ADAM12: variants seen among roughly 807,000 people sequenced by gnomAD.
The protein encoded by ADAM12 is ADAM metallopeptidase domain 12, also known as disintegrin and metalloproteinase domain-containing protein 12.
Under a neutral mutation model 106.4 loss-of-function variants are expected in ADAM12, and 70 were observed. The ratio of observed to expected loss-of-function variants is 0.66; its 90% CI spans 0.54 to 0.80. The LOEUF is 0.80. Ranked by LOEUF, ADAM12 falls within the 30% of genes least tolerant of loss-of-function variation. The probability of loss-of-function intolerance (pLI) is 0.00; values close to 1 mark genes in which losing one functional copy is unlikely to be tolerated. For missense variants in ADAM12, 1,010 were observed against 1,171.9 expected (o/e 0.86, Z 2.02); for synonymous variants, 420 against 433.5 (o/e 0.97, Z 0.39).
At chr10:126,336,662 T>C (rs773986582) in intron 1 of ADAM12, among the ~76,000 whole-genome samples, 2 of 152,160 alleles carry the variant, frequency 1.3e-5, no homozygotes, top group African/African-American at 2.4e-5. Context: ...GGGTCTGGGA[T>C]GGCAGAAAAG....
intron 1 of ADAM12, among the ~76,000 whole-genome samples, chr10:126,333,093 G>T (rs1011785871): frequency 2.0e-5 from 3 of 152,186 alleles, no homozygotes; most frequent in Non-Finnish European, 4.4e-5. Context: ...ACGGGCATTG[G>T]CGTAGTCTTT....
At chr10:126,301,853 C>A (rs1960639948) in intron 2 of ADAM12, among the ~76,000 whole-genome samples, 1 of 152,154 alleles carries the variant, frequency 6.6e-6, no homozygotes, top group South Asian at 2.1e-4. Context: ...CCCTAACTTC[C>A]AGGCGTAGTT....
At chr10:126,331,321 C>A (rs1184765944) in intron 1 of ADAM12, among the ~76,000 whole-genome samples, 1 of 152,074 alleles carries the variant, frequency 6.6e-6, no homozygotes. Flanking sequence ...AGGATGGGAC[C>A]AGATTCCCTC....
chr10:126,368,125 G>A (rs1447170889), intron 1 of ADAM12, among the ~76,000 whole-genome samples: 1 of 151,862 alleles, frequency 6.6e-6, no homozygotes, highest in African/African-American at 2.4e-5. Context: ...ATGTATGCAT[G>A]TGTGTATATA....
chr10:126,240,994 T>C (rs1030308199), intron 3 of ADAM12, among the ~76,000 whole-genome samples: 1 of 152,234 alleles, frequency 6.6e-6, no homozygotes, highest in African/African-American at 2.4e-5. Flanking sequence ...AACAGATGAA[T>C]GGGGCATGTC....
At chr10:126,321,712 C>G (rs768749512) in intron 2 of ADAM12, among the ~76,000 whole-genome samples, 3 of 152,174 alleles carry the variant, frequency 2.0e-5, no homozygotes, top group Non-Finnish European at 4.4e-5. Context: ...CTCACCACGT[C>G]TGCCCCCTGA....
At chr10:126,262,775 G>C (rs760931568) in intron 3 of ADAM12, among the ~76,000 whole-genome samples, 1 of 152,218 alleles carries the variant, frequency 6.6e-6, no homozygotes. Context: ...TTATATATAA[G>C]AGTATCATGA....
At chr10:126,271,294 C>T (rs1959174155) in intron 3 of ADAM12, among the ~76,000 whole-genome samples, 1 of 152,230 alleles carries the variant, frequency 6.6e-6, no homozygotes. Context: ...TGATCCCACA[C>T]ATTCCATCAT....
At chr10:126,364,570 A>C (rs12245832) in intron 1 of ADAM12, among the ~76,000 whole-genome samples, 11,329 of 152,224 alleles carry the variant, frequency 0.074, 557 homozygotes, top group East Asian at 0.18. Context: ...GAAGAAAAAT[A>C]ACTAGAAAAA....
chr10:126,169,568 G>C (rs1228063227), intron 3 of ADAM12, among the ~76,000 whole-genome samples: 3 of 152,142 alleles, frequency 2.0e-5, no homozygotes, highest in Admixed American at 1.3e-4. Flanking sequence ...TTTAGGATAT[G>C]AGGACTTCTT....
intron 3 of ADAM12, among the ~76,000 whole-genome samples, chr10:126,231,757 C>G (rs1958316506): frequency 6.6e-6 from 1 of 152,200 alleles, no homozygotes; most frequent in South Asian, 2.1e-4. Context: ...GGCGGCTGCT[C>G]TCTGTTGGCG....
intron 2 of ADAM12, among the ~76,000 whole-genome samples, chr10:126,327,377 A>G (rs2133845897): frequency 6.6e-6 from 1 of 152,314 alleles, no homozygotes; most frequent in Middle Eastern, 3.4e-3. Context: ...TTAGGTTCCC[A>G]TGGCATTCCC....
At chr10:126,279,945 A>G (rs561751608) in intron 2 of ADAM12, among the ~76,000 whole-genome samples, 8 of 152,138 alleles carry the variant, frequency 5.3e-5, no homozygotes, top group Non-Finnish European at 8.8e-5. Flanking sequence ...TTTGTCAGTT[A>G]TTTCGGTACT....
chr10:126,237,826 C>T (rs140367481), intron 3 of ADAM12, among the ~76,000 whole-genome samples: 425 of 152,252 alleles, frequency 2.8e-3, no homozygotes, highest in African/African-American at 9.7e-3. Context: ...CTCTCTCCAG[C>T]CCTAGAGTGA....
chr10:126,050,391 A>C (rs1467041250), intron 14 of ADAM12, among the ~76,000 whole-genome samples: 1 of 152,200 alleles, frequency 6.6e-6, no homozygotes, highest in African/African-American at 2.4e-5. Flanking sequence ...AAAGTTCTGG[A>C]GGACTCCTGA....
intron 3 of ADAM12, among the ~76,000 whole-genome samples, chr10:126,202,278 T>C (rs767027788): frequency 6.6e-6 from 1 of 152,272 alleles, no homozygotes; most frequent in Admixed American, 6.5e-5. Context: ...ACCATAATTG[T>C]TGGTTAATTT....
chr10:126,203,947 T>C (rs1476567427), intron 3 of ADAM12, among the ~76,000 whole-genome samples: 2 of 152,086 alleles, frequency 1.3e-5, no homozygotes, highest in Non-Finnish European at 2.9e-5. Flanking sequence ...CGCGTGTGTG[T>C]GTGTGTGTGT....
chr10:126,221,083 T>C (rs1013580822), intron 3 of ADAM12, among the ~76,000 whole-genome samples: 18 of 152,242 alleles, frequency 1.2e-4, no homozygotes, highest in Non-Finnish European at 2.5e-4. Flanking sequence ...ATGTATGAGG[T>C]AGATTTAGAA....
intron 3 of ADAM12, among the ~76,000 whole-genome samples, chr10:126,240,244 A>T (rs1958496463): frequency 6.6e-6 from 1 of 152,236 alleles, no homozygotes. Context: ...CAACCAAGAC[A>T]GGCACACCCT....
Sources: allele counts gnomAD v4.1 joint callset (sites outside exome capture counted in the v4.1 genomes callset), GRCh38; gene constraint gnomAD v4.1.1; transcripts MANE v1.5; gene names NCBI Gene and HGNC (gene_info 2026-07-23, HGNC 2026-07-21).